The following LPXN variants were observed in gnomAD, a reference collection of about 807,000 sequenced individuals.
LPXN encodes leupaxin.
Under a neutral mutation model 45.6 loss-of-function variants are expected in LPXN, and 28 were observed. The observed-to-expected ratio is 0.61, with a 90% CI of 0.45 to 0.84. LPXN has a LOEUF of 0.84. Ranked by LOEUF, LPXN falls within the 40% of genes least tolerant of loss-of-function variation. The probability of loss-of-function intolerance (pLI) is 0.00; values close to 1 mark genes in which losing one functional copy is unlikely to be tolerated. For missense variants in LPXN, 459 were observed against 475.0 expected (o/e 0.97, Z 0.31); for synonymous variants, 166 against 169.9 (o/e 0.98, Z 0.18).
At chr11:58,565,059 CCA>C (rs2047089714) in intron 2 of LPXN, among the ~76,000 whole-genome samples, 1 of 152,114 alleles carries the variant, frequency 6.6e-6, no homozygotes, top group Non-Finnish European at 1.5e-5. Flanking sequence ...GATGAGGTGG[CCA>C]CATCACCAAA....
Position 58,549,170 on chromosome 11 carries a change from C to T in LPXN, c.742+616G>A, listed in dbSNP as rs541663296. ...CAGCACTTTGGGAGGCCAAGGCGGG[C>T]GGATCACGAGGTCAGGAGTTCAAGA... On this transcript the variant is annotated intron_variant, in intron 7 of 8. Coordinates refer to ENST00000395074, the MANE Select transcript of LPXN (RefSeq NM_004811.3). Among the ~76,000 whole-genome samples, 161 of 152,242 alleles carry T rather than the reference C, an allele frequency of 1.1e-3. 2 individuals are homozygous for T. Among genetic ancestry groups the T allele is most frequent in the Middle Eastern group, 3.4e-3 (1 of 294 alleles).
At chr11:58,546,621 G>C (rs1176148175) in intron 7 of LPXN, among the ~76,000 whole-genome samples, 5 of 152,126 alleles carry the variant, frequency 3.3e-5, no homozygotes, top group Non-Finnish European at 7.3e-5. Flanking sequence ...AAAATGGCCA[G>C]AGTATCTTAC....
chr11:58,550,099 A>G lies in LPXN; in HGVS notation c.534T>C (p.Cys178=). The G allele has an allele frequency of 6.2e-7, 1 of 1,614,208 alleles. No homozygotes were observed. The highest frequency in any genetic ancestry group is 8.5e-7 in the Non-Finnish European group (1 of 1,180,010). Residue 178 remains cysteine, a synonymous_variant, in exon 6 of 9, where the codon TGT becomes TGC. Coordinates refer to ENST00000395074, the MANE Select transcript of LPXN (RefSeq NM_004811.3). ...GQSWHPEHFV[C]THCKEEIGSS... ...AGCCAATCTCTTCTTTGCAATGAGT[A>G]CAGACAAAATGCTCAGGATGCCATG... is the stretch of plus-strand genomic sequence containing the variant.
At chr11:58,569,965 C>T (rs1854635298) in intron 2 of LPXN, among the ~76,000 whole-genome samples, 1 of 152,014 alleles carries the variant, frequency 6.6e-6, no homozygotes, top group African/African-American at 2.4e-5. Context: ...AGAATATCCC[C>T]AGTGAATGCA....
intron 2 of LPXN, among the ~76,000 whole-genome samples, chr11:58,566,923 T>C (rs535639255): frequency 1.3e-5 from 2 of 152,324 alleles, no homozygotes; most frequent in Admixed American, 6.5e-5. Flanking sequence ...ATAGTCATTC[T>C]GAAATGTTTC....
chr11:58,555,144 C>G (rs1221001419), intron 3 of LPXN, among the ~76,000 whole-genome samples: 1 of 152,130 alleles, frequency 6.6e-6, no homozygotes, highest in Admixed American at 6.5e-5. Context: ...TTCTCTATTT[C>G]TCCCTGGTCA....
Position 58,570,569 on chromosome 11 carries a change from G to A in LPXN, c.158C>T (p.Thr53Ile), listed in dbSNP as rs368653566. The part of the protein sequence containing the change: ...TSEILSIQDN[T>I]SPLPAQLVYT... ...ATGAAAATTTACCGGCAAGGGACTT[G>A]TGTTATCCTGAATAGAAAGGATCTC... The change falls in exon 2 of 9, where the codon ACA (threonine) becomes ATA (isoleucine). Residue 53 changes from threonine to isoleucine, a missense_variant. Physicochemically the swap from Thr to Ile is moderately conservative, Grantham distance 89. Transcript: ENST00000395074. 2 of 1,612,006 alleles carry A rather than the reference G, an allele frequency of 1.2e-6. No homozygotes were observed. The highest frequency in any genetic ancestry group is 2.2e-5 in the South Asian group (2 of 90,918).
intron 4 of LPXN, among the ~76,000 whole-genome samples, chr11:58,553,322 T>A (rs1590559181): frequency 2.1e-5 from 2 of 94,982 alleles, no homozygotes; most frequent in African/African-American, 4.0e-5. Context: ...GGTAACCGAG[T>A]AAGAATCTGT....
In LPXN at chr11:58,528,078, C is replaced by A; in HGVS notation, c.856G>T (p.Asp286Tyr). Reference protein sequence around the residue: ...PVLENYLSAMDTVWHPECFVC... With the variant: ...PVLENYLSAMYTVWHPECFVC... ...AAGCACTCTGGGTGCCAGACAGTGTCCATGGCTGAAAGGTAGTTTTCCAAC... is the reference window on the plus strand; with the variant it reads ...AAGCACTCTGGGTGCCAGACAGTGTACATGGCTGAAAGGTAGTTTTCCAAC... The change falls in exon 8 of 9, where the codon GAC (aspartate) becomes TAC (tyrosine). Residue 286 changes from aspartate to tyrosine, a missense_variant. By Grantham distance (160) the Asp-to-Tyr change is radical (BLOSUM62 -3). Coordinates refer to ENST00000395074, the MANE Select transcript of LPXN (RefSeq NM_004811.3). The A allele has an allele frequency of 6.2e-7, 1 of 1,614,252 alleles. No homozygotes were observed. The highest frequency in any genetic ancestry group is 8.5e-7 in the Non-Finnish European group (1 of 1,180,046).
chr11:58,539,200 C>T (rs895548749), intron 7 of LPXN, among the ~76,000 whole-genome samples: 2 of 152,122 alleles, frequency 1.3e-5, no homozygotes, highest in African/African-American at 4.8e-5. Context: ...GTGCCAGCTA[C>T]TCAGAAGGCT....
intron 7 of LPXN, among the ~76,000 whole-genome samples, chr11:58,547,967 C>A (rs1027979842): frequency 1.3e-5 from 2 of 151,248 alleles, no homozygotes; most frequent in African/African-American, 4.9e-5. Flanking sequence ...TTAAAAAAAA[C>A]AAGACAATTC....
At chr11:58,571,669 T>C (rs902034916) in intron 1 of LPXN, among the ~76,000 whole-genome samples, 2 of 150,964 alleles carry the variant, frequency 1.3e-5, no homozygotes, top group East Asian at 1.9e-4. Flanking sequence ...TTTTCTTTTT[T>C]TTTTTTTGGA....
intron 1 of LPXN, among the ~76,000 whole-genome samples, chr11:58,573,766 C>A (rs139554288): frequency 1.7e-4 from 26 of 152,254 alleles, no homozygotes; most frequent in African/African-American, 6.0e-4. Context: ...CTCCATAATT[C>A]TTCTCTGTAG....
chr11:58,576,970 TTATGTAGAGGGTGGTCTCCC>T (rs1474887989), upstream of LPXN, among the ~76,000 whole-genome samples: 7 of 152,286 alleles, frequency 4.6e-5, no homozygotes, highest in East Asian at 7.7e-4. Context: ...TTTTTATTTT[TTATGTAGAGGGTGGTCTCCC>T]TATGTTGCCC....
chr11:58,572,253 G>A (rs1168143905), intron 1 of LPXN, among the ~76,000 whole-genome samples: 2 of 150,962 alleles, frequency 1.3e-5, no homozygotes, highest in Admixed American at 1.3e-4. Context: ...TTGGAGGAAT[G>A]AATATTTCTT....
upstream of LPXN, chr11:58,578,072 G>A (rs1453754614): frequency 4.5e-6 from 7 of 1,549,886 alleles, no homozygotes; most frequent in East Asian, 7.4e-5. Flanking sequence ...AGTCCCAGAG[G>A]AGGTGTCATC....
At chr11:58,552,546 T>C (rs1000435339) in intron 4 of LPXN, among the ~76,000 whole-genome samples, 2 of 152,226 alleles carry the variant, frequency 1.3e-5, no homozygotes, top group African/African-American at 4.8e-5. Context: ...TTTCATCTTT[T>C]ATTAATACTA....
At chr11:58,578,178 T>C, upstream of LPXN, 1 of 1,238,904 alleles carries the variant, frequency 8.1e-7, no homozygotes, top group East Asian at 2.8e-5. Context: ...GGAAAAACCC[T>C]CCCATCAGAC....
In LPXN at chr11:58,554,833, G is replaced by A; in HGVS notation, c.318+8C>T. The A allele has an allele frequency of 6.2e-7, 1 of 1,611,804 alleles. No individual in the cohort carries two copies. Among genetic ancestry groups the A allele is most frequent in the South Asian group, 1.1e-5 (1 of 90,954 alleles). ...CCTTGGCCTGCACTCACCTTGGCCT[G>A]CACTCACCTTGGCCTGCATCTCAGT... On this transcript the variant is annotated splice_region_variant and intron_variant, in intron 4 of 8. Coordinates refer to ENST00000395074, the MANE Select transcript of LPXN (RefSeq NM_004811.3).
Sources: gnomAD v4.1 joint callset for allele counts (sites outside exome capture counted in the v4.1 genomes callset) on GRCh38, gnomAD v4.1.1 for gene constraint, MANE v1.5 for transcripts, NCBI Gene and HGNC (gene_info 2026-07-23, HGNC 2026-07-21) for gene names.